The following MACF1 variants were observed in gnomAD, a reference collection of about 807,000 sequenced individuals.
The protein encoded by MACF1 is microtubule-actin cross-linking factor 1.
In MACF1, 193 loss-of-function variants were observed where a neutral mutation model predicts 854.8. That is an observed-to-expected ratio of 0.23 (90% CI 0.20 to 0.25). MACF1 has a LOEUF of 0.25. Among genes scored for constraint, MACF1 ranks in the 10% least tolerant of loss-of-function variants. The pLI is 1.00. For synonymous variants in MACF1, 3,185 were observed against 3,226.7 expected, an observed-to-expected ratio of 0.99 and a Z score of 0.44; for missense variants, 7,722 against 8,929.1, an observed-to-expected ratio of 0.86 and a Z score of 5.45.
chr1:39,318,326 C>A, intron 29 of MACF1, 127 bp from the exon 30 acceptor site: 1 of 794,588 alleles, frequency 1.3e-6, no homozygotes, highest in East Asian at 2.6e-5. Context: ...CGCTGTTCCC[C>A]GTAGATAAAG....
In MACF1 at chr1:39,411,241, C is replaced by G. The variant is rs776331736; in HGVS notation, c.15817-11133C>G. On this transcript the variant is annotated intron_variant, in intron 58 of 100. Transcript: ENST00000564288. ...TGAGCTAAAGTTTGAGGAGGATGAG[C>G]GATGGATTATGATGGAGGCTGAGGG... 2.2e-5 allele frequency: 36 copies of G among 1,613,644 alleles called. No homozygotes were observed. The African/African-American group carries it at 4.1e-4, about 19-fold the overall frequency.
At chr1:39,254,013 T>G (rs1368932313) in intron 4 of MACF1, 2 of 354,766 alleles carry the variant, frequency 5.6e-6, no homozygotes, top group Non-Finnish European at 1.0e-5. Flanking sequence ...TGACTGCAGA[T>G]GAACCTGAAC....
chr1:39,099,180 A>T (rs1642006194), intron 2 of MACF1, among the ~76,000 whole-genome samples: 3 of 152,052 alleles, frequency 2.0e-5, no homozygotes, highest in African/African-American at 7.2e-5. Flanking sequence ...TTTGAGATGG[A>T]GTTTTGCTCT....
intron 50 of MACF1, 97 bp downstream of exon 50, chr1:39,368,411 T>C (rs1021477439): frequency 5.4e-6 from 7 of 1,286,364 alleles, no homozygotes; most frequent in Admixed American, 4.6e-5. Flanking sequence ...CCAGAACAGA[T>C]GGCATCTAAA....
At chr1:39,112,218 C>T (rs1029164785) in intron 2 of MACF1, among the ~76,000 whole-genome samples, 7 of 150,924 alleles carry the variant, frequency 4.6e-5, no homozygotes, top group Non-Finnish European at 7.4e-5. Flanking sequence ...TCCTGAGTAG[C>T]TGGGATTACA....
intron 89 of MACF1, 60 bp from the exon 90 acceptor site, chr1:39,458,310 G>A: frequency 6.4e-7 from 1 of 1,552,848 alleles, no homozygotes; most frequent in Non-Finnish European, 8.8e-7. Flanking sequence ...CTCTTCCTTT[G>A]CCCCCATAAG....
intron 71 of MACF1, among the ~76,000 whole-genome samples, chr1:39,438,601 A>G (rs550800119): frequency 2.0e-5 from 3 of 152,244 alleles, no homozygotes; most frequent in African/African-American, 7.2e-5. Context: ...CCTGGCCAAC[A>G]TAGTGAAATT....
chr1:39,273,132 T>A (rs80258570), intron 6 of MACF1, among the ~76,000 whole-genome samples: 8 of 68,782 alleles, frequency 1.2e-4, no homozygotes, highest in Non-Finnish European at 1.8e-4. Flanking sequence ...TCTATACCAA[T>A]TTTTTTTTTT....
chr1:39,190,395 G>GGTTTT (rs1553160910), intron 2 of MACF1, among the ~76,000 whole-genome samples: 1 of 79,040 alleles, frequency 1.3e-5, no homozygotes, highest in Non-Finnish European at 2.4e-5. Context: ...GTGTGTGTTT[G>GGTTTT]TTTTTGTTTT....
At chr1:39,438,995 A>G (rs1644043248) in intron 71 of MACF1, among the ~76,000 whole-genome samples, 1 of 150,834 alleles carries the variant, frequency 6.6e-6, no homozygotes, top group Non-Finnish European at 1.5e-5. Context: ...AGGCAGGAGA[A>G]TCTCTGGAAC....
At chr1:39,258,202 G>A (rs561588477) in intron 6 of MACF1, among the ~76,000 whole-genome samples, 174 bp downstream of exon 6, 7 of 152,330 alleles carry the variant, frequency 4.6e-5, no homozygotes, top group South Asian at 2.1e-4. Flanking sequence ...CTGTTGTATC[G>A]TAAACGCAAA....
chr1:39,169,875 G>C (rs1158095444), intron 2 of MACF1, among the ~76,000 whole-genome samples: 2 of 148,494 alleles, frequency 1.3e-5, no homozygotes, highest in African/African-American at 5.0e-5. Flanking sequence ...CCAGGTTCAC[G>C]CCATTCTCCT....
In MACF1 at chr1:39,238,114, G is replaced by A. The variant is rs148780261; in HGVS notation, c.171+6871G>A. Among the ~76,000 whole-genome samples the A allele has an allele frequency of 2.5e-3, 383 of 152,248 alleles. 1 individual carries two copies. Among genetic ancestry groups the A allele is most frequent in the African/African-American group, 8.6e-3 (356 of 41,538 alleles). On this transcript the variant is annotated intron_variant, in intron 2 of 100. Coordinates refer to ENST00000564288, the MANE Select transcript of MACF1 (RefSeq NM_001394062.1). ...TTTAAAAATTGCCAGAGGGAGCACC[G>A]AGCTTTGACTGCAGTTTTCCCTGTC...
chr1:39,115,394 A>C (rs997796030), intron 2 of MACF1, among the ~76,000 whole-genome samples: 1 of 151,924 alleles, frequency 6.6e-6, no homozygotes, highest in Non-Finnish European at 1.5e-5. Flanking sequence ...TGAGGGGGAG[A>C]GGGAAGAACC....
At chr1:39,108,709 C>T (rs1642314721) in intron 2 of MACF1, among the ~76,000 whole-genome samples, 1 of 152,098 alleles carries the variant, frequency 6.6e-6, no homozygotes, top group Admixed American at 6.6e-5. Flanking sequence ...AAGCAGGTCA[C>T]ATATGAGCAT....
chr1:39,414,655 G>A, intron 58 of MACF1: 1 of 924,724 alleles, frequency 1.1e-6, no homozygotes, highest in South Asian at 2.2e-5. Flanking sequence ...AATTTTGTCT[G>A]GTGAAAGACT....
intron 58 of MACF1, among the ~76,000 whole-genome samples, chr1:39,389,351 GT>G (rs10588247): frequency 2.5e-3 from 157 of 63,482 alleles, no homozygotes; most frequent in African/African-American, 4.7e-3. Flanking sequence ...GTTTTTGTGT[GT>G]TTTTTTTTTT....
chr1:39,379,241 T>C lies in MACF1; in HGVS notation c.13315T>C (p.Leu4439=), dbSNP rs1359863007. Residue 4439 remains leucine (L), a synonymous_variant, in exon 54 of 101, where the codon TTG becomes CTG. Transcript: ENST00000564288. ...EIQCDMSDVN[L]KYEKLGGVLH... is the part of the protein sequence containing the mutation. ...CCAGTGTGACATGTCAGATGTAAAC[T>C]TGAAGTATGAGAAACTAGGGGGAGT... The C allele has an allele frequency of 2.5e-6, 4 of 1,610,954 alleles. No individual in the cohort carries two copies. Among genetic ancestry groups the C allele is most frequent in the Non-Finnish European group, 2.5e-6 (3 of 1,178,782 alleles).
At chr1:39,194,295 C>T (rs933102350) in intron 2 of MACF1, among the ~76,000 whole-genome samples, 11 of 149,658 alleles carry the variant, frequency 7.4e-5, no homozygotes, top group Admixed American at 2.0e-4. Flanking sequence ...AATCCATATC[C>T]GGAGGGATTT....
Sources: gnomAD v4.1 joint callset for allele counts (sites outside exome capture counted in the v4.1 genomes callset) on GRCh38, gnomAD v4.1.1 for gene constraint, MANE v1.5 for transcripts, NCBI Gene and HGNC (gene_info 2026-07-23, HGNC 2026-07-21) for gene names.